NAALADL2: variants seen among roughly 807,000 people sequenced by gnomAD.
NAALADL2 encodes inactive N-acetylated-alpha-linked acidic dipeptidase-like protein 2.
Under a neutral mutation model 87.2 loss-of-function variants are expected in NAALADL2, and 76 were observed. The observed-to-expected ratio is 0.87, with a 90% CI of 0.72 to 1.05. NAALADL2 has a LOEUF of 1.05. Ranked by LOEUF, NAALADL2 falls within the 50% of genes least tolerant of loss-of-function variation. The probability of loss-of-function intolerance (pLI) is 0.00; values close to 1 mark genes in which losing one functional copy is unlikely to be tolerated. For missense variants in NAALADL2, 1,089 were observed against 945.8 expected, an observed-to-expected ratio of 1.15 and a Z score of -1.99; for synonymous variants, 354 against 331.0, an observed-to-expected ratio of 1.07 and a Z score of -0.75.
At chr3:174,656,057 T>C (rs1240546111) in intron 2 of NAALADL2, among the ~76,000 whole-genome samples, 1 of 152,212 alleles carries the variant, frequency 6.6e-6, no homozygotes, top group African/African-American at 2.4e-5. Flanking sequence ...TTCTAAAATA[T>C]TATGTTTTGG....
At chr3:174,532,899 T>G (rs1390472629) in intron 1 of NAALADL2, among the ~76,000 whole-genome samples, 1 of 152,010 alleles carries the variant, frequency 6.6e-6, no homozygotes, top group African/African-American at 2.4e-5. Context: ...ACCTGATCAA[T>G]CTTTTATTCT....
intron 2 of NAALADL2, among the ~76,000 whole-genome samples, chr3:174,674,485 C>G (rs1467661609): frequency 6.6e-6 from 1 of 151,968 alleles, no homozygotes; most frequent in Non-Finnish European, 1.5e-5. Context: ...GGGATGATGT[C>G]CCATTTCTAC....
chr3:175,152,443 A>G (rs748504642), intron 2 of NAALADL2, among the ~76,000 whole-genome samples: 1 of 152,144 alleles, frequency 6.6e-6, no homozygotes, highest in African/African-American at 2.4e-5. Context: ...ACTTATACTA[A>G]TGGTGCTTAT....
In NAALADL2 at chr3:175,698,349, ATT is replaced by A. The variant is rs1238156519; in HGVS notation, c.1897-38955_1897-38954del. ...TATGTATGTGTATATATGTATGTGT[ATT>A]TATGTATGTGTATATATGTATGTGT... On this transcript the variant is annotated intron_variant, in intron 11 of 13. Coordinates refer to ENST00000454872, the MANE Select transcript of NAALADL2 (RefSeq NM_207015.3). Among the ~76,000 whole-genome samples, 6 of 117,862 alleles carry A rather than the reference ATT, an allele frequency of 5.1e-5. 2 individuals carry two copies. Among genetic ancestry groups the A allele is most frequent in the African/African-American group, 2.5e-4 (6 of 24,200 alleles). 77.3% of individuals were successfully genotyped at this position (117,862 alleles called of 152,430 possible). A position where few individuals can be genotyped will look rare whatever the true frequency, so the allele number is the denominator to read the frequency against.
At chr3:175,592,738 G>A (rs1259145807) in intron 10 of NAALADL2, among the ~76,000 whole-genome samples, 5 of 122,160 alleles carry the variant, frequency 4.1e-5, no homozygotes, top group Non-Finnish European at 6.6e-5. Flanking sequence ...GGGGACTGTT[G>A]TGGGGTGGGG....
chr3:175,334,865 T>G (rs1388729026), intron 5 of NAALADL2, among the ~76,000 whole-genome samples: 1 of 152,174 alleles, frequency 6.6e-6, no homozygotes, highest in Non-Finnish European at 1.5e-5. Flanking sequence ...AAACCACACC[T>G]GAAGATACGA....
chr3:175,375,884 C>T (rs1302251131), intron 5 of NAALADL2, among the ~76,000 whole-genome samples: 2 of 151,838 alleles, frequency 1.3e-5, no homozygotes, highest in African/African-American at 2.4e-5. Context: ...GTTCATTTTA[C>T]CTCCTCTATT....
chr3:175,336,769 C>A (rs1352017705), intron 5 of NAALADL2, among the ~76,000 whole-genome samples: 2 of 152,134 alleles, frequency 1.3e-5, no homozygotes, highest in African/African-American at 4.8e-5. Context: ...TGATCTGTTC[C>A]AGTTCATTGC....
At chr3:175,692,751 C>T (rs900492610) in intron 11 of NAALADL2, among the ~76,000 whole-genome samples, 6 of 152,098 alleles carry the variant, frequency 3.9e-5, no homozygotes, top group South Asian at 4.1e-4. Flanking sequence ...ATAAGTTCTC[C>T]GTGCTCTCAT....
intron 5 of NAALADL2, among the ~76,000 whole-genome samples, chr3:175,373,999 ATACT>A (rs1277048765): frequency 5.3e-5 from 8 of 152,150 alleles, no homozygotes; most frequent in Admixed American, 1.3e-4. Context: ...ATATGTGTAC[ATACT>A]TTTTCTTACT....
intron 1 of NAALADL2, among the ~76,000 whole-genome samples, chr3:174,915,788 G>A (rs182306050): frequency 4.0e-4 from 61 of 152,200 alleles, no homozygotes; most frequent in African/African-American, 1.5e-3. Context: ...AAAAAGTGCA[G>A]GAAAACTCTT....
At chr3:174,522,933 C>CAAAAAAAAAAAA (rs57653560) in intron 1 of NAALADL2, among the ~76,000 whole-genome samples, 1 of 75,838 alleles carries the variant, frequency 1.3e-5, no homozygotes, top group Non-Finnish European at 2.4e-5. Context: ...GACTCTGTCT[C>CAAAAAAAAAAAA]AAAAAAAAAA....
chr3:175,396,264 A>G (rs2149039585), intron 5 of NAALADL2, among the ~76,000 whole-genome samples: 1 of 152,230 alleles, frequency 6.6e-6, no homozygotes, highest in Non-Finnish European at 1.5e-5. Flanking sequence ...ATTCTGAGTA[A>G]AGTGTTAGAA....
chr3:175,266,861 G>C (rs1752012648), intron 4 of NAALADL2, among the ~76,000 whole-genome samples: 1 of 151,632 alleles, frequency 6.6e-6, no homozygotes, highest in African/African-American at 2.4e-5. Flanking sequence ...CCTGGTGAAG[G>C]TATTATGGAT....
chr3:175,290,296 T>G (rs1016928385), intron 4 of NAALADL2, among the ~76,000 whole-genome samples: 1 of 152,142 alleles, frequency 6.6e-6, no homozygotes, highest in African/African-American at 2.4e-5. Context: ...AATAAACAAT[T>G]TGTAGATATT....
chr3:175,297,126 G>A (rs911146667), intron 4 of NAALADL2, among the ~76,000 whole-genome samples: 1 of 152,122 alleles, frequency 6.6e-6, no homozygotes, highest in African/African-American at 2.4e-5. Context: ...TTGTGCTACA[G>A]CAGAAGTCAA....
At chr3:174,478,555 A>G (rs1359740424) in intron 1 of NAALADL2, among the ~76,000 whole-genome samples, 1 of 152,152 alleles carries the variant, frequency 6.6e-6, no homozygotes, top group Non-Finnish European at 1.5e-5. Flanking sequence ...TGATAGCCTC[A>G]ATAGAATATA....
intron 9 of NAALADL2, among the ~76,000 whole-genome samples, chr3:175,538,461 T>C (rs2149462587): frequency 6.6e-6 from 1 of 152,228 alleles, no homozygotes; most frequent in East Asian, 1.9e-4. Context: ...AGAAATATAA[T>C]GGTGTCTACA....
intron 1 of NAALADL2, among the ~76,000 whole-genome samples, chr3:175,021,534 C>G (rs1301583882): frequency 6.6e-6 from 1 of 151,938 alleles, no homozygotes; most frequent in Non-Finnish European, 1.5e-5. Context: ...AAGGTGTGTA[C>G]AAAATGCAGT....
Sources: allele counts gnomAD v4.1 joint callset (sites outside exome capture counted in the v4.1 genomes callset), GRCh38; gene constraint gnomAD v4.1.1; transcripts MANE v1.5; gene names NCBI Gene and HGNC (gene_info 2026-07-23, HGNC 2026-07-21).